FNDC3A: variants seen among roughly 807,000 people sequenced by gnomAD.
The protein encoded by FNDC3A is fibronectin type-III domain-containing protein 3A.
FNDC3A carries 32 observed loss-of-function variants against 148.9 expected under a neutral mutation model. The observed-to-expected ratio is 0.21, with a 90% CI of 0.16 to 0.29. FNDC3A has a LOEUF of 0.29. Ranked by LOEUF, FNDC3A falls within the 10% of genes least tolerant of loss-of-function variation. FNDC3A has a pLI of 1.00. For missense variants in FNDC3A, 1,191 were observed against 1,452.8 expected (o/e 0.82, Z 2.93); for synonymous variants, 472 against 473.6 (o/e 1.00, Z 0.04).
At chr13:49,071,734 T>G (rs949825819) in intron 2 of FNDC3A, among the ~76,000 whole-genome samples, 3 of 151,976 alleles carry the variant, frequency 2.0e-5, no homozygotes, top group African/African-American at 7.2e-5. Flanking sequence ...TTGGTTTTTT[T>G]TTTTTGCTAT....
intron 3 of FNDC3A, among the ~76,000 whole-genome samples, chr13:49,079,012 CT>C (rs1240834169): frequency 1.3e-5 from 2 of 152,122 alleles, no homozygotes; most frequent in Non-Finnish European, 2.9e-5. Flanking sequence ...AAAGTCCATT[CT>C]TTTAAAAGTA....
chr13:49,016,798 T>G (rs1242317163), intron 2 of FNDC3A, among the ~76,000 whole-genome samples: 3 of 152,184 alleles, frequency 2.0e-5, no homozygotes, highest in African/African-American at 4.8e-5. Context: ...TCTGGTATGT[T>G]GCGTCTTTGT....
At chr13:49,076,863 A>C (rs976090910) in intron 3 of FNDC3A, among the ~76,000 whole-genome samples, 2 of 152,224 alleles carry the variant, frequency 1.3e-5, no homozygotes, top group African/African-American at 2.4e-5. Context: ...ATTTTTATTC[A>C]GTCTCCCCAG....
intron 14 of FNDC3A, among the ~76,000 whole-genome samples, chr13:49,180,401 T>C (rs1405497060): frequency 6.6e-6 from 1 of 152,234 alleles, no homozygotes; most frequent in African/African-American, 2.4e-5. Flanking sequence ...TTATGCTTTA[T>C]TTTATGCTAT....
At chr13:49,159,119 A>T (rs988901654) in intron 8 of FNDC3A, among the ~76,000 whole-genome samples, 1 of 152,196 alleles carries the variant, frequency 6.6e-6, no homozygotes, top group African/African-American at 2.4e-5. Flanking sequence ...TTTTGGTTCC[A>T]TATGAACTTT....
At chr13:49,057,891 A>G (rs974096232) in intron 2 of FNDC3A, among the ~76,000 whole-genome samples, 11 of 152,206 alleles carry the variant, frequency 7.2e-5, no homozygotes, top group African/African-American at 2.4e-4. Context: ...TTAGTAGAGT[A>G]GTATTTTTCC....
chr13:49,066,519 G>A (rs1264028767), intron 2 of FNDC3A, among the ~76,000 whole-genome samples: 1 of 152,110 alleles, frequency 6.6e-6, no homozygotes, highest in African/African-American at 2.4e-5. Context: ...TATATTATCT[G>A]TTAATCCTTC....
At chr13:49,088,239 A>T (rs1878945004) in intron 3 of FNDC3A, among the ~76,000 whole-genome samples, 1 of 152,184 alleles carries the variant, frequency 6.6e-6, no homozygotes, top group Non-Finnish European at 1.5e-5. Context: ...TGAGTAAATG[A>T]TCCCAGTAGA....
chr13:49,063,045 T>G (rs763547923), intron 2 of FNDC3A, among the ~76,000 whole-genome samples: 6 of 152,214 alleles, frequency 3.9e-5, no homozygotes, highest in Non-Finnish European at 7.3e-5. Context: ...CTTTATATAG[T>G]GAATGATTTT....
intron 2 of FNDC3A, among the ~76,000 whole-genome samples, chr13:49,062,148 C>A (rs990433937): frequency 6.6e-6 from 1 of 152,058 alleles, no homozygotes; most frequent in Non-Finnish European, 1.5e-5. Flanking sequence ...CTGACAGATA[C>A]TACCTTAACA....
intron 2 of FNDC3A, among the ~76,000 whole-genome samples, chr13:49,073,434 C>T (rs1271749723): frequency 3.3e-5 from 5 of 151,772 alleles, no homozygotes; most frequent in African/African-American, 1.2e-4. Flanking sequence ...ATCTGACAAA[C>T]CGAAATGCTC....
chr13:48,990,219 A>T lies in FNDC3A; in HGVS notation c.-40+14042A>T, dbSNP rs180707691. On this transcript the variant is annotated intron_variant, in intron 1 of 25. Coordinates refer to ENST00000492622, the MANE Select transcript of FNDC3A (RefSeq NM_001079673.2). ...CTTTTTACCCAAACTGTCTTTCAAAATAAAGGCAAAATAAAGATTTCAAAT... is the reference window on the plus strand; with the variant it reads ...CTTTTTACCCAAACTGTCTTTCAAATTAAAGGCAAAATAAAGATTTCAAAT... Among the ~76,000 whole-genome samples the T allele has an allele frequency of 2.0e-4, 31 of 152,240 alleles. 1 individual carries two copies. The East Asian group carries it at 5.8e-3, about 28-fold the overall frequency.
chr13:49,108,651 G>T (rs1478357398), intron 3 of FNDC3A, among the ~76,000 whole-genome samples: 1 of 152,172 alleles, frequency 6.6e-6, no homozygotes, highest in African/African-American at 2.4e-5. Context: ...AGAAATACAG[G>T]CTGTGTGCAA....
intron 2 of FNDC3A, among the ~76,000 whole-genome samples, chr13:49,072,710 C>T (rs1487873381): frequency 6.6e-6 from 1 of 152,054 alleles, no homozygotes; most frequent in Non-Finnish European, 1.5e-5. Flanking sequence ...TCTCAAACTC[C>T]TGGGTTCAAG....
At chr13:49,119,261 G>A (rs1566262294) in intron 4 of FNDC3A, among the ~76,000 whole-genome samples, 1 of 152,128 alleles carries the variant, frequency 6.6e-6, no homozygotes, top group Admixed American at 6.5e-5. Flanking sequence ...GCCGCAGAGG[G>A]GCCTGACTAC....
intron 1 of FNDC3A, among the ~76,000 whole-genome samples, chr13:48,986,237 C>T (rs558139346): frequency 4.5e-4 from 68 of 151,890 alleles, no homozygotes; most frequent in South Asian, 2.1e-3. Flanking sequence ...GTTATAATTT[C>T]GAATGTAGTT....
chr13:49,045,592 T>TA (rs1449744029), intron 2 of FNDC3A: 2 of 476,208 alleles, frequency 4.2e-6, no homozygotes, highest in African/African-American at 4.1e-5. Flanking sequence ...CATACTCTCT[T>TA]AAATGAGAAG....
intron 4 of FNDC3A, among the ~76,000 whole-genome samples, chr13:49,127,050 G>T (rs1057230519): frequency 5.3e-5 from 8 of 152,128 alleles, no homozygotes; most frequent in Non-Finnish European, 2.9e-5. Context: ...TATGTGCTCT[G>T]CTTCTCATCC....
intron 2 of FNDC3A, among the ~76,000 whole-genome samples, chr13:49,009,428 T>C (rs377717117): frequency 4.6e-5 from 7 of 152,232 alleles, no homozygotes; most frequent in African/African-American, 1.4e-4. Context: ...TAAACATTCA[T>C]GTGCAGATTT....
Sources: gnomAD v4.1 joint callset for allele counts (sites outside exome capture counted in the v4.1 genomes callset) on GRCh38, gnomAD v4.1.1 for gene constraint, MANE v1.5 for transcripts, NCBI Gene and HGNC (gene_info 2026-07-23, HGNC 2026-07-21) for gene names.